The following ABCC12 variants were observed in gnomAD, a reference collection of about 807,000 sequenced individuals.
The protein encoded by ABCC12 is ATP binding cassette subfamily C member 12.
ABCC12 carries 142 observed loss-of-function variants against 151.1 expected under a neutral mutation model. The ratio of observed to expected loss-of-function variants is 0.94; its 90% CI spans 0.82 to 1.08. The LOEUF (loss-of-function observed/expected upper bound fraction) is 1.08. Among genes scored for constraint, ABCC12 ranks in the 50% least tolerant of loss-of-function variants. The probability of loss-of-function intolerance (pLI) is 0.00; values close to 1 mark genes in which losing one functional copy is unlikely to be tolerated. For missense variants in ABCC12, 1,638 were observed against 1,691.1 expected (o/e 0.97, Z 0.55); for synonymous variants, 645 against 646.4 (o/e 1.00, Z 0.03).
At chr16:48,140,255 G>A (rs1964759029) in intron 6 of ABCC12, among the ~76,000 whole-genome samples, 1 of 146,418 alleles carries the variant, frequency 6.8e-6, no homozygotes, top group African/African-American at 2.8e-5. Context: ...AGGATTAAGA[G>A]CTTAAGAAAA....
At chr16:48,105,478 G>T in intron 20 of ABCC12, 142 bp from the exon 21 acceptor site, 1 of 866,078 alleles carries the variant, frequency 1.2e-6, no homozygotes, top group Non-Finnish European at 1.8e-6. Flanking sequence ...ATACAATCTA[G>T]TCTGTTCCCT....
intron 3 of ABCC12, among the ~76,000 whole-genome samples, chr16:48,146,079 C>T (rs1030851086): frequency 6.6e-6 from 1 of 152,198 alleles, no homozygotes; most frequent in Non-Finnish European, 1.5e-5. Flanking sequence ...AGGTCTGGAT[C>T]ATGGAAAGCT....
intron 10 of ABCC12, among the ~76,000 whole-genome samples, chr16:48,129,413 A>G (rs1014996934): frequency 2.6e-5 from 4 of 152,144 alleles, no homozygotes; most frequent in Admixed American, 6.5e-5. Context: ...GGGAAAGAGA[A>G]TGACAGCATT....
chr16:48,101,741 C>T (rs1963315829), intron 22 of ABCC12, among the ~76,000 whole-genome samples: 1 of 152,014 alleles, frequency 6.6e-6, no homozygotes. Context: ...GTCTTTATAG[C>T]TAGAGGGGTG....
At chr16:48,144,553 C>T (rs2150679023) in intron 3 of ABCC12, among the ~76,000 whole-genome samples, 1 of 152,132 alleles carries the variant, frequency 6.6e-6, no homozygotes, top group East Asian at 1.9e-4. Context: ...AGAAGTCCAC[C>T]TCACATCCTC....
chr16:48,115,901 AG>A (rs1226797338), intron 14 of ABCC12, among the ~76,000 whole-genome samples: 1 of 152,238 alleles, frequency 6.6e-6, no homozygotes, highest in East Asian at 1.9e-4. Context: ...ACAAGACCCC[AG>A]CCCAATGCAG....
intron 2 of ABCC12, among the ~76,000 whole-genome samples, chr16:48,149,365 A>G (rs1243959527): frequency 6.6e-6 from 1 of 152,052 alleles, no homozygotes; most frequent in Non-Finnish European, 1.5e-5. Flanking sequence ...ATCAACAATT[A>G]CATTAAATAT....
At chr16:48,127,694 T>C (rs1964285700) in intron 11 of ABCC12, among the ~76,000 whole-genome samples, 1 of 152,230 alleles carries the variant, frequency 6.6e-6, no homozygotes, top group African/African-American at 2.4e-5. Context: ...GAGTTTATTA[T>C]GTACCTGGTA....
Position 48,104,293 on chromosome 16 carries a change from C to A in ABCC12, c.2749G>T (p.Asp917Tyr). Residue 917 changes from aspartate to tyrosine, a missense_variant, in exon 22 of 31, where the codon GAC becomes TAC. Coordinates refer to ENST00000311303, the MANE Select transcript of ABCC12 (RefSeq NM_001393797.1). ...AACGGCAGCCTCACATCCAGCTCGT[C>A]CATATCCTTGGAAAAACGGTTCATT... ...RLMNRFSKDM[D>Y]ELDVRLPFHA... 2 of 1,614,244 alleles carry A rather than the reference C, an allele frequency of 1.2e-6. No homozygotes were observed. Among genetic ancestry groups the A allele is most frequent in the Non-Finnish European group, 1.7e-6 (2 of 1,180,042 alleles).
chr16:48,100,751 C>A, intron 23 of ABCC12, 121 bp downstream of exon 23: 2 of 1,250,142 alleles, frequency 1.6e-6, no homozygotes, highest in East Asian at 2.6e-5. Flanking sequence ...CCTCCTGATT[C>A]TTCCAGCTCT....
chr16:48,106,754 G>T (rs1963506613), intron 20 of ABCC12, among the ~76,000 whole-genome samples: 1 of 152,190 alleles, frequency 6.6e-6, no homozygotes, highest in Non-Finnish European at 1.5e-5. Context: ...TTGGCCAAAA[G>T]CTGGGAGAAC....
chr16:48,151,086 GA>G (rs202036804), intron 2 of ABCC12, among the ~76,000 whole-genome samples: 6 of 150,496 alleles, frequency 4.0e-5, no homozygotes, highest in African/African-American at 9.8e-5. Context: ...TATGGAAAAG[GA>G]AAAAAAAATA....
At position 48,117,336 on chromosome 16, in the gene ABCC12, G is replaced by T; in HGVS notation, c.1713-3C>A. On this transcript the variant is annotated splice_region_variant and splice_polypyrimidine_tract_variant and intron_variant, in intron 13 of 30. Transcript: ENST00000311303. Reference sequence around the variant, plus strand: ...AGACGCGGACTGTGTGCTGATACCTGTTGGTGCAAAGCTCAGAAGTAGCTG... The same window carrying T: ...AGACGCGGACTGTGTGCTGATACCTTTTGGTGCAAAGCTCAGAAGTAGCTG... 6.2e-7 allele frequency: 1 copy of T among 1,613,516 alleles called. No individual in the cohort carries two copies. The highest frequency in any genetic ancestry group is 1.1e-5 in the South Asian group (1 of 90,910).
At chr16:48,104,430 C>T in intron 21 of ABCC12, 62 bp from the exon 22 acceptor site, 8 of 1,481,004 alleles carry the variant, frequency 5.4e-6, no homozygotes, top group Non-Finnish European at 6.6e-6. Context: ...CCCTGCTGCT[C>T]TGCTGGAGGT....
chr16:48,082,823 T>C lies in ABCC12; in HGVS notation c.*892A>G, dbSNP rs1217401416. ...GCTGGATTTTCTATAAATATTTTTT[T>C]CCCAAATGTCACCATGAGTTAGCAG... On this transcript the variant is annotated 3_prime_UTR_variant, in exon 31 of 31. Transcript: ENST00000311303. 2 of 152,216 alleles carry C rather than the reference T, an allele frequency of 1.3e-5. No homozygotes were observed. The highest frequency in any genetic ancestry group is 4.8e-5 in the African/African-American group (2 of 41,446). 9.4% of individuals were successfully genotyped at this position (152,216 alleles called of 1,614,324 possible).
intron 15 of ABCC12, among the ~76,000 whole-genome samples, chr16:48,113,445 G>A (rs1223058514): frequency 6.6e-6 from 1 of 152,194 alleles, no homozygotes; most frequent in Non-Finnish European, 1.5e-5. Flanking sequence ...CCAGAGATAT[G>A]AGGCAGATTT....
intron 14 of ABCC12, among the ~76,000 whole-genome samples, chr16:48,116,976 G>T (rs1391774572): frequency 2.0e-5 from 3 of 152,222 alleles, no homozygotes; most frequent in African/African-American, 7.2e-5. Context: ...GGATGAGGAA[G>T]CAGTTTTCAC....
chr16:48,115,629 G>A lies in ABCC12; in HGVS notation c.1786-11C>T, dbSNP rs1963856796. The A allele has an allele frequency of 4.3e-6, 7 of 1,610,510 alleles. No individual in the cohort carries two copies. Among genetic ancestry groups the A allele is most frequent in the Middle Eastern group, 1.7e-4 (1 of 6,040 alleles). Reference sequence around the variant, plus strand: ...GCCCCGCTCCCCAATCTGTGGACAGGGACAATGCTACTGCCCATTGTCAGC... The same window carrying A: ...GCCCCGCTCCCCAATCTGTGGACAGAGACAATGCTACTGCCCATTGTCAGC... On this transcript the variant is annotated splice_polypyrimidine_tract_variant and intron_variant, in intron 14 of 30. Transcript: ENST00000311303.
In ABCC12 at chr16:48,082,639, CTG is replaced by C. The variant is rs2150574591; in HGVS notation, c.*1074_*1075del. On this transcript the variant is annotated 3_prime_UTR_variant, in exon 31 of 31. Coordinates refer to ENST00000311303, the MANE Select transcript of ABCC12 (RefSeq NM_001393797.1). ...GGGAAGTGGGGTGGGGGGTTGTGGT[CTG>C]GAAGCTTTGCTGACCACACTGCCCT... 6.6e-6 allele frequency among the ~76,000 whole-genome samples: 1 copy of C among 152,218 alleles called. No individual in the cohort carries two copies. Among genetic ancestry groups the C allele is most frequent in the East Asian group, 1.9e-4 (1 of 5,176 alleles).
Sources: allele counts gnomAD v4.1 joint callset (sites outside exome capture counted in the v4.1 genomes callset), GRCh38; gene constraint gnomAD v4.1.1; transcripts MANE v1.5; gene names NCBI Gene and HGNC (gene_info 2026-07-23, HGNC 2026-07-21).